Variants in RALGDS observed in about 807,000 individuals in gnomAD.
The protein encoded by RALGDS is ral guanine nucleotide exchange factor.
A neutral mutation model predicts 99.8 loss-of-function variants in RALGDS; 44 were observed. The observed-to-expected ratio is 0.44, with a 90% CI of 0.35 to 0.57. The LOEUF is 0.57. Among genes scored for constraint, RALGDS ranks in the 20% least tolerant of loss-of-function variants. RALGDS has a pLI of 0.01. For synonymous variants in RALGDS, 529 were observed against 505.0 expected (o/e 1.05, Z -0.64); for missense variants, 1,022 against 1,203.1 (o/e 0.85, Z 2.23).
At chr9:133,130,539 G>A (rs549647647) in intron 1 of RALGDS, among the ~76,000 whole-genome samples, 1 of 152,252 alleles carries the variant, frequency 6.6e-6, no homozygotes, top group East Asian at 1.9e-4. Context: ...CACCACCAAA[G>A]GTAACAAGAA....
intron 9 of RALGDS, among the ~76,000 whole-genome samples, chr9:133,104,798 C>G (rs141799652): frequency 6.6e-6 from 1 of 152,094 alleles, no homozygotes; most frequent in Non-Finnish European, 1.5e-5. Flanking sequence ...GGAGACAGAG[C>G]GAGACTCCTT....
chr9:133,111,938 T>A, intron 2 of RALGDS, 104 bp downstream of exon 2: 2 of 865,024 alleles, frequency 2.3e-6, no homozygotes, highest in Non-Finnish European at 3.8e-6. Context: ...GGGAAGGGAG[T>A]GAAGGCCGTT....
intron 1 of RALGDS, 87 bp downstream of exon 1, chr9:133,120,885 G>A: frequency 1.5e-6 from 2 of 1,335,950 alleles, no homozygotes; most frequent in South Asian, 3.3e-5. Context: ...GCCCGGCCCC[G>A]TCCGGGGCTC....
intron 1 of RALGDS, among the ~76,000 whole-genome samples, chr9:133,116,125 A>C (rs1181293927): frequency 8.7e-6 from 1 of 114,982 alleles, no homozygotes; most frequent in Non-Finnish European, 1.9e-5. Flanking sequence ...GGTGGAACGC[A>C]AGGGCCTCGT....
At chr9:133,101,249 C>A (rs1830741295) in intron 16 of RALGDS, 2 of 1,323,760 alleles carry the variant, frequency 1.5e-6, no homozygotes, top group Admixed American at 6.0e-5. Context: ...GCCTATGTGG[C>A]CAGGCCCTGG....
chr9:133,098,915 G>T, intron 17 of RALGDS, 153 bp from the exon 18 acceptor site: 1 of 703,200 alleles, frequency 1.4e-6, no homozygotes, highest in Non-Finnish European at 2.4e-6. Context: ...CCCTCTCAAT[G>T]ACTCCTGCCT....
intron 1 of RALGDS, among the ~76,000 whole-genome samples, chr9:133,148,055 C>T (rs749516257): frequency 4.6e-5 from 7 of 152,156 alleles, no homozygotes; most frequent in East Asian, 1.9e-4. Flanking sequence ...GCCCTTCAGC[C>T]CCCCCGGCTT....
intron 1 of RALGDS, among the ~76,000 whole-genome samples, chr9:133,147,684 C>T (rs1832646837): frequency 6.6e-6 from 1 of 152,180 alleles, no homozygotes; most frequent in African/African-American, 2.4e-5. Context: ...GCACTGCCTC[C>T]CCCTGGTGGC....
upstream of RALGDS, among the ~76,000 whole-genome samples, chr9:133,123,066 G>A (rs1268272551): frequency 6.6e-6 from 1 of 152,018 alleles, no homozygotes; most frequent in Non-Finnish European, 1.5e-5. Flanking sequence ...GATCCCTAGA[G>A]GCTGTTTAGG....
At chr9:133,114,169 G>A (rs1270927894) in intron 1 of RALGDS, among the ~76,000 whole-genome samples, 2 of 152,198 alleles carry the variant, frequency 1.3e-5, no homozygotes, top group Admixed American at 1.3e-4. Flanking sequence ...GCCGGGTGGT[G>A]GGGAAGGATG....
upstream of RALGDS, among the ~76,000 whole-genome samples, chr9:133,131,646 GC>G (rs1832337421): frequency 1.3e-5 from 2 of 152,060 alleles, no homozygotes; most frequent in Non-Finnish European, 2.9e-5. Flanking sequence ...CCTCCTCTGT[GC>G]CAGGCTCCAA....
At position 133,102,096 on chromosome 9, in the gene RALGDS, G is replaced by A; in HGVS notation, c.2053C>T (p.His685Tyr). The change falls in exon 15 of 18, where the codon CAC becomes TAC. Residue 685 changes from histidine to tyrosine, a missense_variant. By Grantham distance (83) the His-to-Tyr change is moderately conservative. This residue lies in a region of RALGDS where 825 missense variants were observed against 994.5 expected (regional missense o/e 0.83). Transcript: ENST00000372050. ...STELSTSGSS[H>Y]SKSCDQLRCG... ...CTGAGCTGGTCACAGGACTTGGAGT[G>A]GGAGCTGCCACTGGTACTGAGCTCA... The A allele has an allele frequency of 6.3e-7, 1 of 1,574,916 alleles. No individual in the cohort carries two copies. Among genetic ancestry groups the A allele is most frequent in the Non-Finnish European group, 8.6e-7 (1 of 1,159,822 alleles).
Position 133,101,705 on chromosome 9 carries a change from T to C in RALGDS, c.2269A>G (p.Ser757Gly). The change falls in exon 16 of 18, where the codon AGC becomes GGC. Residue 757 changes from serine to glycine, a missense_variant. By Grantham distance (56) the Ser-to-Gly change is moderately conservative. Coordinates refer to ENST00000372050, the MANE Select transcript of RALGDS (RefSeq NM_006266.4). ...PETSGISSAS[S>G]STSSSSASTT... is the part of the protein sequence containing the mutation. Reference sequence around the variant, plus strand: ...GAGGCTGAGGAGGACGAGGTGCTGCTGGAGGCTGAGCTGATGCCGGAGGTC... The same window carrying C: ...GAGGCTGAGGAGGACGAGGTGCTGCCGGAGGCTGAGCTGATGCCGGAGGTC... The C allele has an allele frequency of 6.2e-7, 1 of 1,613,962 alleles. No homozygotes were observed.
chr9:133,141,592 G>C (rs976434782), intron 1 of RALGDS, among the ~76,000 whole-genome samples: 1 of 152,232 alleles, frequency 6.6e-6, no homozygotes, highest in Non-Finnish European at 1.5e-5. Context: ...CAGGTGTCCT[G>C]CTCCAAAGCC....
At chr9:133,126,195 C>T (rs986489313), upstream of RALGDS, among the ~76,000 whole-genome samples, 2 of 150,916 alleles carry the variant, frequency 1.3e-5, no homozygotes, top group Non-Finnish European at 3.0e-5. Flanking sequence ...CCCCCCCACA[C>T]CCCCACCTAG....
chr9:133,120,780 G>A (rs74476940), intron 1 of RALGDS, among the ~76,000 whole-genome samples, 192 bp downstream of exon 1: 2,310 of 152,116 alleles, frequency 0.015, 57 homozygotes, highest in African/African-American at 0.053. Flanking sequence ...GGGGCGCGGC[G>A]GCAGCCCCCA....
At chr9:133,120,016 G>T (rs1588550630) in intron 1 of RALGDS, among the ~76,000 whole-genome samples, 1 of 152,308 alleles carries the variant, frequency 6.6e-6, no homozygotes, top group East Asian at 1.9e-4. Context: ...CACTGTGAAG[G>T]CTGCAGCCCA....
At chr9:133,104,658 CA>C (rs1411690196) in intron 9 of RALGDS, 2 of 322,334 alleles carry the variant, frequency 6.2e-6, no homozygotes, top group Non-Finnish European at 6.0e-6. Flanking sequence ...CTAAAAAATA[CA>C]AAAATTACCT....
chr9:133,121,298 G>A (rs796234545), upstream of RALGDS: 7 of 845,090 alleles, frequency 8.3e-6, no homozygotes, highest in Admixed American at 6.2e-5. Flanking sequence ...CGGAGGGGAA[G>A]AGGGTGGGGC....
Sources: gnomAD v4.1 joint callset for allele counts (sites outside exome capture counted in the v4.1 genomes callset) on GRCh38, gnomAD v4.1.1 for gene constraint, gnomAD v4.1.1 regional missense constraint, MANE v1.5 for transcripts, NCBI Gene and HGNC (gene_info 2026-07-23, HGNC 2026-07-21) for gene names.